KCNMB2: variants seen among roughly 807,000 people sequenced by gnomAD.
KCNMB2 encodes calcium-activated potassium channel subunit beta-2.
In KCNMB2, 9 loss-of-function variants were observed where a neutral mutation model predicts 24.5. The observed-to-expected ratio is 0.37, with a 90% confidence interval of 0.22 to 0.64. The LOEUF (loss-of-function observed/expected upper bound fraction) is 0.64, where lower values mean the gene tolerates loss of function less well. KCNMB2 is among the 30% of genes least tolerant of loss of function. The pLI, the probability that KCNMB2 is intolerant of heterozygous loss-of-function variation, is 0.63. For synonymous variants in KCNMB2, 109 were observed against 104.4 expected, an observed-to-expected ratio of 1.04 and a Z score of -0.27; for missense variants, 226 against 284.3, an observed-to-expected ratio of 0.79 and a Z score of 1.47.
At chr3:178,776,110 T>C (rs1349393988) in intron 1 of KCNMB2, among the ~76,000 whole-genome samples, 1 of 152,164 alleles carries the variant, frequency 6.6e-6, no homozygotes, top group Non-Finnish European at 1.5e-5. Context: ...CTTTGTCATT[T>C]TCTTTACCTT....
intron 2 of KCNMB2, among the ~76,000 whole-genome samples, chr3:178,812,374 C>G: frequency 6.9e-6 from 1 of 145,360 alleles, no homozygotes; most frequent in Non-Finnish European, 1.5e-5. Flanking sequence ...TCTCCTAATG[C>G]TATCCCTCCC....
At chr3:178,597,786 A>G (rs1171095394) in intron 1 of KCNMB2, among the ~76,000 whole-genome samples, 3 of 152,136 alleles carry the variant, frequency 2.0e-5, no homozygotes, top group Non-Finnish European at 4.4e-5. Context: ...TGGCAAGCTT[A>G]TAGGCAAGAT....
intron 1 of KCNMB2, among the ~76,000 whole-genome samples, chr3:178,760,009 TCCAAGAGG>T (rs1711714274): frequency 2.5e-5 from 1 of 39,986 alleles, no homozygotes; most frequent in Non-Finnish European, 4.1e-5. Context: ...TATATATATA[TCCAAGAGG>T]ATATATCTAT....
chr3:178,581,613 A>G (rs970628311), intron 1 of KCNMB2, among the ~76,000 whole-genome samples: 2 of 152,250 alleles, frequency 1.3e-5, no homozygotes, highest in African/African-American at 4.8e-5. Flanking sequence ...TTTACAATCT[A>G]TACATCTGAC....
At position 178,632,490 on chromosome 3, in the gene KCNMB2, G is replaced by T. The variant is rs111423885; in HGVS notation, c.-68+95779G>T. ...CTTCACATGGCAGCAGCAAGGAGAA[G>T]TGCTGAGAAAAAGGGGAAATGCCAC... On this transcript the variant is annotated intron_variant, in intron 1 of 4. Coordinates refer to ENST00000452583, the MANE Select transcript of KCNMB2 (RefSeq NM_181361.3). Among the ~76,000 whole-genome samples, 15 of 152,274 alleles carry T rather than the reference G, an allele frequency of 9.9e-5. 1 individual carries two copies. Among genetic ancestry groups the T allele is most frequent in the African/African-American group, 3.6e-4 (15 of 41,554 alleles).
chr3:178,742,104 T>A (rs553711507), intron 1 of KCNMB2, among the ~76,000 whole-genome samples: 1 of 152,222 alleles, frequency 6.6e-6, no homozygotes, highest in African/African-American at 2.4e-5. Context: ...AACGATAGCA[T>A]TGAAAGTCAT....
rs568288762 is a variant in KCNMB2, at chr3:178,631,440, C to T, written c.-68+94729C>T. ...TAAAAGGACATGAATGCATTTTACC[C>T]CACAATCCAAGAACTGACAAAACTA... is the stretch of plus-strand genomic sequence containing the variant. On this transcript the variant is annotated intron_variant, in intron 1 of 4. Transcript: ENST00000452583. 3.7e-4 allele frequency among the ~76,000 whole-genome samples: 56 copies of T among 152,318 alleles called. No individual in the cohort carries two copies. In the South Asian group the frequency reaches 6.4e-3, roughly 17 times the overall value.
At chr3:178,792,621 G>C (rs1169790812) in intron 1 of KCNMB2, among the ~76,000 whole-genome samples, 1 of 152,050 alleles carries the variant, frequency 6.6e-6, no homozygotes, top group Non-Finnish European at 1.5e-5. Flanking sequence ...AAAAGACATA[G>C]AGTGGCTGAA....
At chr3:178,583,902 A>C (rs1396675927) in intron 1 of KCNMB2, among the ~76,000 whole-genome samples, 1 of 152,220 alleles carries the variant, frequency 6.6e-6, no homozygotes, top group Non-Finnish European at 1.5e-5. Flanking sequence ...ATGGCCTGAA[A>C]GTGATGCAGT....
At chr3:178,834,678 T>C (rs1715161103) in intron 4 of KCNMB2, among the ~76,000 whole-genome samples, 1 of 152,120 alleles carries the variant, frequency 6.6e-6, no homozygotes, top group African/African-American at 2.4e-5. Flanking sequence ...GAGGGGAATA[T>C]GCCCTGAAAT....
chr3:178,683,376 A>C (rs1487519151), intron 1 of KCNMB2, among the ~76,000 whole-genome samples: 1 of 151,862 alleles, frequency 6.6e-6, no homozygotes, highest in Admixed American at 6.6e-5. Context: ...GTTGGGCACT[A>C]TGCTCAGTAC....
At chr3:178,664,401 G>T (rs1381762915) in intron 1 of KCNMB2, among the ~76,000 whole-genome samples, 1 of 152,222 alleles carries the variant, frequency 6.6e-6, no homozygotes, top group East Asian at 1.9e-4. Context: ...AAAAATCTAA[G>T]TCTGAATGAC....
chr3:178,718,871 A>G (rs1461356470), intron 1 of KCNMB2, among the ~76,000 whole-genome samples: 1 of 152,148 alleles, frequency 6.6e-6, no homozygotes, highest in Non-Finnish European at 1.5e-5. Context: ...GTCTCATTCT[A>G]AACTCATAGT....
intron 1 of KCNMB2, among the ~76,000 whole-genome samples, chr3:178,640,267 G>A (rs1191753729): frequency 6.6e-6 from 1 of 152,148 alleles, no homozygotes; most frequent in African/African-American, 2.4e-5. Flanking sequence ...TTGACTTACA[G>A]TTCCACAGGC....
chr3:178,778,043 G>A (rs1560017595), intron 1 of KCNMB2, among the ~76,000 whole-genome samples: 1 of 152,076 alleles, frequency 6.6e-6, no homozygotes, highest in East Asian at 1.9e-4. Context: ...TTGTTCCCAT[G>A]GAATTTTTCT....
chr3:178,760,380 T>TCC (rs1711785533), intron 1 of KCNMB2, among the ~76,000 whole-genome samples: 2 of 126,812 alleles, frequency 1.6e-5, no homozygotes, highest in Admixed American at 8.4e-5. Flanking sequence ...GATATATATA[T>TCC]TATATATATA....
At chr3:178,630,440 T>G (rs1388212054) in intron 1 of KCNMB2, among the ~76,000 whole-genome samples, 1 of 152,280 alleles carries the variant, frequency 6.6e-6, no homozygotes, top group East Asian at 1.9e-4. Flanking sequence ...GCCAAGGTCA[T>G]GGACTGTCAA....
rs1711501194 is a variant in KCNMB2, at chr3:178,758,649, TATATATATATCTCTCTCCAAGAGG to T, written c.-67-48683_-67-48660del. On this transcript the variant is annotated intron_variant, in intron 1 of 4. Transcript: ENST00000452583. ...ATATATATCTCTCTCTCCAAGAGGA[TATATATATATCTCTCTCCAAGAGG>T]ATATATATATATATATCTCTCTCTC... Among the ~76,000 whole-genome samples, 4 of 49,452 alleles carry T rather than the reference TATATATATATCTCTCTCCAAGAGG, an allele frequency of 8.1e-5. No individual in the cohort carries two copies. The Admixed American group carries it at 9.5e-4, about 12-fold the overall frequency. The allele number at this position is 49,452 out of a possible 152,430, so 32.4% of individuals were successfully genotyped here. A position where few individuals can be genotyped will look rare whatever the true frequency, so the allele number is the denominator to read the frequency against.
intron 1 of KCNMB2, among the ~76,000 whole-genome samples, chr3:178,674,907 T>C (rs1037965986): frequency 6.6e-6 from 1 of 152,244 alleles, no homozygotes; most frequent in Non-Finnish European, 1.5e-5. Context: ...TTGCCTAGAA[T>C]GTTCTTCTCC....
Sources: gnomAD v4.1 joint callset for allele counts (sites outside exome capture counted in the v4.1 genomes callset) on GRCh38, gnomAD v4.1.1 for gene constraint, MANE v1.5 for transcripts, NCBI Gene and HGNC (gene_info 2026-07-23, HGNC 2026-07-21) for gene names.